The following ADGRL3 variants were observed in gnomAD, a reference collection of about 807,000 sequenced individuals.
ADGRL3 encodes the protein adhesion G protein-coupled receptor L3, also known as calcium-independent alpha-latrotoxin receptor 3.
In ADGRL3, 62 loss-of-function variants were observed where a neutral mutation model predicts 153.5. That is an observed-to-expected ratio of 0.40 (90% CI 0.33 to 0.50). The LOEUF (loss-of-function observed/expected upper bound fraction) is 0.50. ADGRL3 is among the 20% of genes least tolerant of loss of function. The pLI, the probability that ADGRL3 is intolerant of heterozygous loss-of-function variation, is 0.47. For synonymous variants in ADGRL3, 710 were observed against 672.5 expected (o/e 1.06, Z -0.86); for missense variants, 1,641 against 1,859.4 (o/e 0.88, Z 2.16).
At chr4:61,386,929 T>C (rs1357395094) in intron 2 of ADGRL3, among the ~76,000 whole-genome samples, 1 of 152,228 alleles carries the variant, frequency 6.6e-6, no homozygotes, top group Non-Finnish European at 1.5e-5. Flanking sequence ...GTGCAACATA[T>C]GAATGTGTTT....
At chr4:61,723,633 G>T (rs190872100) in intron 6 of ADGRL3, among the ~76,000 whole-genome samples, 1 of 152,038 alleles carries the variant, frequency 6.6e-6, no homozygotes, top group Non-Finnish European at 1.5e-5. Context: ...GATGCAGGTC[G>T]CCATGATGTC....
At chr4:61,727,881 T>C (rs1156661057) in intron 6 of ADGRL3, among the ~76,000 whole-genome samples, 2 of 152,120 alleles carry the variant, frequency 1.3e-5, no homozygotes, top group Non-Finnish European at 2.9e-5. Flanking sequence ...AATTGTTCAA[T>C]GTTATTTGGA....
At chr4:61,801,965 C>T (rs1163090310) in intron 8 of ADGRL3, among the ~76,000 whole-genome samples, 1 of 152,096 alleles carries the variant, frequency 6.6e-6, no homozygotes, top group Non-Finnish European at 1.5e-5. Flanking sequence ...TATTTGCAGA[C>T]ATTTCTATCT....
At chr4:61,909,902 C>T (rs1047214249) in intron 12 of ADGRL3, among the ~76,000 whole-genome samples, 157 bp downstream of exon 12, 3 of 151,168 alleles carry the variant, frequency 2.0e-5, no homozygotes, top group African/African-American at 7.3e-5. Context: ...ATTTTCAATT[C>T]CTTTGTTATT....
intron 25 of ADGRL3, among the ~76,000 whole-genome samples, chr4:62,045,539 A>G (rs1730659633): frequency 6.6e-6 from 1 of 151,976 alleles, no homozygotes; most frequent in African/African-American, 2.4e-5. Context: ...TAATGTAATA[A>G]TTATGGCTTA....
chr4:61,684,261 T>C (rs1460521460), intron 6 of ADGRL3, among the ~76,000 whole-genome samples: 3 of 152,162 alleles, frequency 2.0e-5, no homozygotes, highest in Admixed American at 2.0e-4. Context: ...AAACCAACTT[T>C]GGCTAGTTTA....
chr4:61,345,588 T>C (rs976810396), intron 1 of ADGRL3, among the ~76,000 whole-genome samples: 2 of 152,204 alleles, frequency 1.3e-5, no homozygotes, highest in African/African-American at 4.8e-5. Context: ...CTATGGTCCA[T>C]GTACAAGGAC....
At chr4:62,002,990 T>G (rs949066729) in intron 21 of ADGRL3, among the ~76,000 whole-genome samples, 2 of 152,170 alleles carry the variant, frequency 1.3e-5, no homozygotes, top group African/African-American at 4.8e-5. Flanking sequence ...AATTGATAGT[T>G]TCTCTAATCA....
At chr4:61,440,114 T>C (rs942605579) in intron 2 of ADGRL3, among the ~76,000 whole-genome samples, 19 of 152,168 alleles carry the variant, frequency 1.2e-4, no homozygotes, top group African/African-American at 4.6e-4. Flanking sequence ...AGTAGTGCAA[T>C]CTTGGCTCGC....
chr4:61,500,105 A>G (rs889364408), intron 3 of ADGRL3, among the ~76,000 whole-genome samples: 6 of 151,864 alleles, frequency 4.0e-5, no homozygotes, highest in African/African-American at 1.2e-4. Context: ...ATCAATCCCT[A>G]GTATAATAAT....
intron 9 of ADGRL3, among the ~76,000 whole-genome samples, chr4:61,879,491 T>C (rs1255449945): frequency 6.6e-6 from 1 of 152,192 alleles, no homozygotes; most frequent in Non-Finnish European, 1.5e-5. Context: ...ATACAATATC[T>C]CTAATAATTT....
At chr4:61,257,136 T>A (rs924448203) in intron 1 of ADGRL3, among the ~76,000 whole-genome samples, 1 of 152,204 alleles carries the variant, frequency 6.6e-6, no homozygotes, top group East Asian at 1.9e-4. Context: ...TTTTCCATGA[T>A]TTTATTTCAC....
intron 2 of ADGRL3, among the ~76,000 whole-genome samples, chr4:61,453,002 A>T (rs2097693053): frequency 6.6e-6 from 1 of 151,064 alleles, no homozygotes; most frequent in South Asian, 2.1e-4. Flanking sequence ...TAGAAATCAT[A>T]TACTAAGTTA....
At chr4:61,270,801 A>T (rs551231947) in intron 1 of ADGRL3, among the ~76,000 whole-genome samples, 1 of 151,640 alleles carries the variant, frequency 6.6e-6, no homozygotes, top group Admixed American at 6.6e-5. Context: ...GACTTTACTG[A>T]TCAGTTTTTG....
chr4:61,436,760 A>C (rs2097451557), intron 2 of ADGRL3, among the ~76,000 whole-genome samples: 1 of 152,152 alleles, frequency 6.6e-6, no homozygotes, highest in African/African-American at 2.4e-5. Context: ...CAATTTCCTG[A>C]AAATCATAGT....
intron 1 of ADGRL3, among the ~76,000 whole-genome samples, chr4:61,260,010 A>G (rs1481192617): frequency 6.6e-6 from 1 of 152,210 alleles, no homozygotes; most frequent in Non-Finnish European, 1.5e-5. Flanking sequence ...GCAATCGAGG[A>G]AATTCAAATT....
intron 9 of ADGRL3, among the ~76,000 whole-genome samples, chr4:61,823,425 C>T (rs915301712): frequency 2.6e-5 from 4 of 152,052 alleles, no homozygotes; most frequent in African/African-American, 7.2e-5. Context: ...AATTCCTTCC[C>T]GAAGAGAGCT....
intron 2 of ADGRL3, among the ~76,000 whole-genome samples, chr4:61,482,658 A>G (rs1037516754): frequency 6.6e-6 from 1 of 152,168 alleles, no homozygotes; most frequent in South Asian, 2.1e-4. Context: ...GCAGGGATCA[A>G]AGTGGTGGTA....
At position 61,277,108 on chromosome 4, in the gene ADGRL3, G is replaced by A. The variant is rs184157680; in HGVS notation, c.-240+75343G>A. 1.6e-4 allele frequency among the ~76,000 whole-genome samples: 24 copies of A among 152,138 alleles called. 2 individuals are homozygous for A. The highest frequency in any genetic ancestry group is 1.5e-3 in the Admixed American group (23 of 15,274). On this transcript the variant is annotated intron_variant, in intron 1 of 26. Transcript: ENST00000683033. ...GACTACCTATGGATGGAGTTTATAA[G>A]ACCTACATAATATTCCCTGAAACTT...
Sources: allele counts gnomAD v4.1 joint callset (sites outside exome capture counted in the v4.1 genomes callset), GRCh38; gene constraint gnomAD v4.1.1; transcripts MANE v1.5; gene names NCBI Gene and HGNC (gene_info 2026-07-23, HGNC 2026-07-21).